The following SLC5A8 variants were observed in gnomAD, a reference collection of about 807,000 sequenced individuals.
SLC5A8 encodes the protein solute carrier family 5 member 8, also known as sodium-coupled monocarboxylate transporter 1.
Under a neutral mutation model 71.9 loss-of-function variants are expected in SLC5A8, and 55 were observed. The ratio of observed to expected loss-of-function variants is 0.77; its 90% CI spans 0.62 to 0.96. SLC5A8 has a LOEUF of 0.96. Among genes scored for constraint, SLC5A8 ranks in the 40% least tolerant of loss-of-function variants. The probability of loss-of-function intolerance (pLI) is 0.00; values close to 1 mark genes in which losing one functional copy is unlikely to be tolerated. For synonymous variants in SLC5A8, 307 were observed against 276.1 expected, an observed-to-expected ratio of 1.11 and a Z score of -1.11; for missense variants, 701 against 745.3, an observed-to-expected ratio of 0.94 and a Z score of 0.69.
chr12:101,173,360 T>C (rs1187657076), intron 10 of SLC5A8, among the ~76,000 whole-genome samples: 4 of 152,172 alleles, frequency 2.6e-5, no homozygotes, highest in Non-Finnish European at 5.9e-5. Flanking sequence ...ATATGGTGTC[T>C]AGGACACACT....
In SLC5A8 at chr12:101,156,008, C is replaced by T. The variant is rs561089473; in HGVS notation, c.*1271G>A. ...AACAGTATCTAATGTGGGAACTGTA[C>T]AAAAAATAAGTTATTGATGAACTCC... On this transcript the variant is annotated 3_prime_UTR_variant, in exon 15 of 15. Transcript: ENST00000536262. 2.6e-5 allele frequency: 4 copies of T among 151,978 alleles called. No homozygotes were observed. In the South Asian group the frequency reaches 6.2e-4, roughly 24 times the overall value. The allele number at this position is 151,978 out of a possible 1,614,324, so 9.4% of individuals were successfully genotyped here.
Position 101,209,657 on chromosome 12 carries a change from G to A in SLC5A8, c.192C>T (p.Ser64=), listed in dbSNP as rs373118868. Residue 64 remains serine (S), a synonymous_variant, in exon 1 of 15, where the codon AGC becomes AGT. Coordinates refer to ENST00000536262, the MANE Select transcript of SLC5A8 (RefSeq NM_145913.5). ...CCAGGACAGTGACGGCTGACATGAA[G>A]CTAGCGGTGAGGGACAGCGCCACGG... ...AVPVALSLTA[S]FMSAVTVLGT... 149 of 1,613,814 alleles carry A rather than the reference G, an allele frequency of 9.2e-5. No homozygotes were observed. Among genetic ancestry groups the A allele is most frequent in the Non-Finnish European group, 1.2e-4 (140 of 1,180,048 alleles).
Position 101,182,820 on chromosome 12 carries a change from C to G in SLC5A8, c.1148G>C (p.Trp383Ser). 1.3e-6 allele frequency: 2 copies of G among 1,585,462 alleles called. No individual in the cohort carries two copies. Among genetic ancestry groups the G allele is most frequent in the South Asian group, 1.2e-5 (1 of 84,960 alleles). The change falls in exon 9 of 15, where the codon TGG (tryptophan) becomes TCG (serine). Residue 383 changes from tryptophan (W) to serine (S), a missense_variant. By Grantham distance (177) the Trp-to-Ser change is radical. Coordinates refer to ENST00000536262, the MANE Select transcript of SLC5A8 (RefSeq NM_145913.5). ...FRSLSERSLS[W>S]ISQGMSVVYG... ...AAACTTACTCATTCCTTGGGAAATC[C>G]AAGACAGAGACCTTTCTGAGAGCGA... is the stretch of plus-strand genomic sequence containing the variant.
intron 3 of SLC5A8, among the ~76,000 whole-genome samples, 155 bp from the exon 4 acceptor site, chr12:101,195,317 G>T (rs1486926276): frequency 6.6e-6 from 1 of 152,096 alleles, no homozygotes; most frequent in Non-Finnish European, 1.5e-5. Flanking sequence ...TCTCATAAAT[G>T]TCTCAAAAAC....
intron 9 of SLC5A8, among the ~76,000 whole-genome samples, 154 bp from the exon 10 acceptor site, chr12:101,180,250 C>T (rs538101090): frequency 5.1e-4 from 78 of 152,302 alleles, no homozygotes; most frequent in African/African-American, 1.8e-3. Context: ...AAGGAAATGG[C>T]TATTTTCCTC....
At chr12:101,185,332 T>G (rs943233303) in intron 7 of SLC5A8, among the ~76,000 whole-genome samples, 1 of 152,196 alleles carries the variant, frequency 6.6e-6, no homozygotes, top group Non-Finnish European at 1.5e-5. Flanking sequence ...AAAAGTAGGT[T>G]CCATCTATAG....
At position 101,209,523 on chromosome 12, in the gene SLC5A8, T is replaced by C. The variant is rs1276283194; in HGVS notation, c.326A>G (p.Lys109Arg). ...CTCGTAGGTGCTGGTAATTCCCAGT[T>C]TGTAGAACACCGGGAGGAAGACCTC... The part of the protein sequence containing the change: ...SAEVFLPVFY[K>R]LGITSTYEYL... Residue 109 changes from lysine to arginine, a missense_variant, in exon 1 of 15, where the codon AAA (lysine) becomes AGA (arginine). Coordinates refer to ENST00000536262, the MANE Select transcript of SLC5A8 (RefSeq NM_145913.5). 1.2e-5 allele frequency: 19 copies of C among 1,610,812 alleles called. No individual in the cohort carries two copies. The highest frequency in any genetic ancestry group is 1.3e-5 in the Non-Finnish European group (15 of 1,178,460).
intron 7 of SLC5A8, among the ~76,000 whole-genome samples, chr12:101,186,921 C>G (rs1466334975): frequency 6.6e-6 from 1 of 152,144 alleles, no homozygotes; most frequent in Non-Finnish European, 1.5e-5. Flanking sequence ...GCTCTTGGCA[C>G]AGAATCTCAC....
intron 1 of SLC5A8, among the ~76,000 whole-genome samples, chr12:101,208,163 A>G (rs1328097367): frequency 6.6e-6 from 1 of 151,876 alleles, no homozygotes; most frequent in Non-Finnish European, 1.5e-5. Flanking sequence ...GTCACTTCTG[A>G]GCAAACCTGA....
intron 12 of SLC5A8, among the ~76,000 whole-genome samples, chr12:101,164,267 A>C (rs1474671660): frequency 6.6e-6 from 1 of 152,246 alleles, no homozygotes; most frequent in Non-Finnish European, 1.5e-5. Flanking sequence ...AAAAAGACAG[A>C]GAATCCATTT....
chr12:101,209,758 A>G lies in SLC5A8; in HGVS notation c.91T>C (p.Tyr31His), dbSNP rs569801572. The G allele has an allele frequency of 6.2e-7, 1 of 1,612,018 alleles. No homozygotes were observed. The highest frequency in any genetic ancestry group is 2.2e-5 in the East Asian group (1 of 44,826). ...MLVISAAIGI[Y>H]YAFAGGGQQT... ...TGGCCGCCCCCAGCGAAGGCGTAGTAGATGCCGATGGCGGCCGAGATGACC... is the reference window on the plus strand; with the variant it reads ...TGGCCGCCCCCAGCGAAGGCGTAGTGGATGCCGATGGCGGCCGAGATGACC... Residue 31 changes from tyrosine (Y) to histidine (H), a missense_variant, in exon 1 of 15, where the codon TAC becomes CAC. By Grantham distance (83) the Tyr-to-His change is moderately conservative. Transcript: ENST00000536262.
chr12:101,206,045 T>C (rs1869665140), intron 1 of SLC5A8, among the ~76,000 whole-genome samples: 1 of 152,202 alleles, frequency 6.6e-6, no homozygotes, highest in East Asian at 1.9e-4. Flanking sequence ...AGGTTCTTTC[T>C]CTTTAAAATG....
chr12:101,198,154 T>C (rs1046031037), intron 3 of SLC5A8, among the ~76,000 whole-genome samples: 6 of 151,950 alleles, frequency 3.9e-5, no homozygotes, highest in Non-Finnish European at 8.8e-5. Flanking sequence ...TCAAAATATA[T>C]GGGCTGCAGA....
chr12:101,178,191 G>C (rs1243493003), intron 10 of SLC5A8, among the ~76,000 whole-genome samples: 1 of 152,090 alleles, frequency 6.6e-6, no homozygotes, highest in African/African-American at 2.4e-5. Context: ...CCATGTTCAT[G>C]TTTTAGAAAA....
intron 7 of SLC5A8, among the ~76,000 whole-genome samples, chr12:101,186,388 A>G (rs1448688590): frequency 6.6e-6 from 1 of 152,180 alleles, no homozygotes; most frequent in Non-Finnish European, 1.5e-5. Context: ...TTCTGGGAGC[A>G]TGAGATGCAT....
intron 7 of SLC5A8, among the ~76,000 whole-genome samples, chr12:101,186,458 G>T (rs538549115): frequency 1.8e-4 from 27 of 152,276 alleles, no homozygotes; most frequent in Admixed American, 3.9e-4. Flanking sequence ...AACTTGTTCC[G>T]CAAGTGAGTC....
intron 5 of SLC5A8, 133 bp downstream of exon 5, chr12:101,193,492 G>T (rs79151503): frequency 9.9e-7 from 1 of 1,013,036 alleles, no homozygotes; most frequent in Non-Finnish European, 1.4e-6. Flanking sequence ...TTACTTCTCT[G>T]CTTCAATTTG....
At chr12:101,166,737 A>G in intron 11 of SLC5A8, 38 bp from the exon 12 acceptor site, 1 of 1,520,516 alleles carries the variant, frequency 6.6e-7, no homozygotes, top group Non-Finnish European at 8.8e-7. Flanking sequence ...AAAATAATAC[A>G]ATTTGCTTTG....
intron 1 of SLC5A8, among the ~76,000 whole-genome samples, chr12:101,207,833 C>A (rs554305811): frequency 1.3e-5 from 2 of 152,244 alleles, no homozygotes; most frequent in South Asian, 4.2e-4. Flanking sequence ...AACAAGAGAT[C>A]CCTTTACCCC....
Sources: gnomAD v4.1 joint callset for allele counts (sites outside exome capture counted in the v4.1 genomes callset) on GRCh38, gnomAD v4.1.1 for gene constraint, MANE v1.5 for transcripts, NCBI Gene and HGNC (gene_info 2026-07-23, HGNC 2026-07-21) for gene names.